The following PEBP4 variants were observed in gnomAD, a reference collection of about 807,000 sequenced individuals.
PEBP4 encodes phosphatidylethanolamine-binding protein 4.
A neutral mutation model predicts 23.9 loss-of-function variants in PEBP4; 22 were observed. The ratio of observed to expected loss-of-function variants is 0.92; its 90% CI spans 0.66 to 1.31. The LOEUF is 1.31. PEBP4 is among the 40% of genes most tolerant of loss of function. The pLI is 0.00. For missense variants in PEBP4, 324 were observed against 281.7 expected (o/e 1.15, Z -1.07); for synonymous variants, 112 against 99.3 (o/e 1.13, Z -0.76).
At chr8:22,817,767 G>T in intron 3 of PEBP4, 32 bp from the exon 4 acceptor site, 1 of 1,590,788 alleles carries the variant, frequency 6.3e-7, no homozygotes, top group Non-Finnish European at 8.6e-7. Context: ...GTAATGTAGC[G>T]TCATGGCTGA....
intron 4 of PEBP4, among the ~76,000 whole-genome samples, chr8:22,731,873 C>G (rs1480415223): frequency 6.7e-6 from 1 of 150,368 alleles, no homozygotes; most frequent in African/African-American, 2.5e-5. Context: ...GACGGGGTTT[C>G]ACCGTGTTAG....
At chr8:22,760,706 C>T (rs979964980) in intron 4 of PEBP4, among the ~76,000 whole-genome samples, 23 of 152,228 alleles carry the variant, frequency 1.5e-4, no homozygotes, top group African/African-American at 5.3e-4. Flanking sequence ...ACTTAGTAAG[C>T]GTCTTCAATA....
In PEBP4 at chr8:22,856,047, CAAAAAA is replaced by C. The variant is rs34409506; in HGVS notation, c.259-38318_259-38313del. Among the ~76,000 whole-genome samples the C allele has an allele frequency of 1.6e-3, 143 of 91,652 alleles. 2 individuals are homozygous for C. Among genetic ancestry groups the C allele is most frequent in the African/African-American group, 6.3e-3 (136 of 21,562 alleles). The allele number at this position is 91,652 out of a possible 152,430, so 60.1% of individuals were successfully genotyped here. A position where few individuals can be genotyped will look rare whatever the true frequency, so the allele number is the denominator to read the frequency against. ...CCTGGGCGAGGGTGAGACCCTGTCT[CAAAAAA>C]AAAAAAAAAAAAAAGGAAACCTAAT... is the stretch of plus-strand genomic sequence containing the variant. On this transcript the variant is annotated intron_variant, in intron 3 of 6. Coordinates refer to ENST00000256404, the MANE Select transcript of PEBP4 (RefSeq NM_144962.3).
intron 4 of PEBP4, among the ~76,000 whole-genome samples, chr8:22,761,345 C>T (rs1161331836): frequency 2.0e-5 from 3 of 151,586 alleles, no homozygotes; most frequent in African/African-American, 4.9e-5. Flanking sequence ...TTATCTTGCC[C>T]GGAAGAGGTC....
At chr8:22,755,115 C>A (rs1805350636) in intron 4 of PEBP4, among the ~76,000 whole-genome samples, 1 of 152,218 alleles carries the variant, frequency 6.6e-6, no homozygotes, top group Non-Finnish European at 1.5e-5. Context: ...CTGAGTTCAC[C>A]TGCTGCTATA....
intron 3 of PEBP4, among the ~76,000 whole-genome samples, chr8:22,855,006 A>ACG (rs764667201): frequency 0.064 from 1,167 of 18,360 alleles, 20 homozygotes; most frequent in Non-Finnish European, 0.11. Flanking sequence ...GCACGCACAC[A>ACG]CACACACACA....
chr8:22,861,740 C>G lies in PEBP4; in HGVS notation c.259-44005G>C, dbSNP rs148607476. Among the ~76,000 whole-genome samples the G allele has an allele frequency of 1.7e-3, 257 of 152,284 alleles. 1 individual carries two copies. Among genetic ancestry groups the G allele is most frequent in the African/African-American group, 5.1e-3 (210 of 41,532 alleles). ...TTTCCTTAGGTCCAAAGGATGTCAA[C>G]TTGATTAAAGAGAAATATCAAGAAC... On this transcript the variant is annotated intron_variant, in intron 3 of 6. Coordinates refer to ENST00000256404, the MANE Select transcript of PEBP4 (RefSeq NM_144962.3).
chr8:22,739,994 G>A (rs578158636), intron 4 of PEBP4, among the ~76,000 whole-genome samples: 28 of 152,150 alleles, frequency 1.8e-4, no homozygotes, highest in Non-Finnish European at 3.8e-4. Context: ...CAGATTCCTC[G>A]TTCTGTTCTC....
intron 4 of PEBP4, among the ~76,000 whole-genome samples, chr8:22,749,909 C>T (rs1241748561): frequency 1.3e-5 from 2 of 148,912 alleles, no homozygotes; most frequent in East Asian, 2.0e-4. Flanking sequence ...TAGGTTCAAG[C>T]GATTCTCCTG....
chr8:22,756,172 G>A (rs1025216804), intron 4 of PEBP4, among the ~76,000 whole-genome samples: 3 of 152,216 alleles, frequency 2.0e-5, no homozygotes, highest in Non-Finnish European at 2.9e-5. Context: ...CGAGGCTAGC[G>A]TGGGATGGTC....
chr8:22,720,937 T>C (rs1341061201), intron 6 of PEBP4, among the ~76,000 whole-genome samples: 1 of 152,202 alleles, frequency 6.6e-6, no homozygotes, highest in Non-Finnish European at 1.5e-5. Context: ...GCTGAGCGAA[T>C]GCAGAAGGCA....
intron 3 of PEBP4, among the ~76,000 whole-genome samples, chr8:22,845,284 A>G (rs1442474443): frequency 6.6e-6 from 1 of 151,916 alleles, no homozygotes; most frequent in East Asian, 1.9e-4. Flanking sequence ...CTGTAACCCC[A>G]ACACTCTGGG....
chr8:22,928,007 CAGGGCAGAGAGCAGGCTGCAA>C, upstream of PEBP4: 1 of 372,746 alleles, frequency 2.7e-6, no homozygotes, highest in South Asian at 3.0e-5. Context: ...TCCTGGCTGC[CAGGGCAGAGAGCAGGCTGCAA>C]AGTAGAAGTG....
intron 3 of PEBP4, among the ~76,000 whole-genome samples, chr8:22,838,284 T>G (rs1001051331): frequency 2.6e-5 from 4 of 152,214 alleles, no homozygotes; most frequent in Non-Finnish European, 5.9e-5. Flanking sequence ...ACACAGTAGG[T>G]GCTTAAGACA....
chr8:22,929,807 C>T (rs1259542142), upstream of PEBP4, among the ~76,000 whole-genome samples: 2 of 152,170 alleles, frequency 1.3e-5, no homozygotes, highest in Non-Finnish European at 2.9e-5. Flanking sequence ...TTCTGGGCTT[C>T]AAGGGATTCT....
intron 3 of PEBP4, among the ~76,000 whole-genome samples, chr8:22,911,667 C>G (rs571533558): frequency 6.6e-6 from 1 of 152,192 alleles, no homozygotes; most frequent in Non-Finnish European, 1.5e-5. Flanking sequence ...CCACAAAGGC[C>G]GGCAGCTATT....
At chr8:22,938,610 A>G (rs964673884) in intron 1 of PEBP4, among the ~76,000 whole-genome samples, 1 of 152,184 alleles carries the variant, frequency 6.6e-6, no homozygotes, top group African/African-American at 2.4e-5. Flanking sequence ...AGTGCCTGGG[A>G]CCAGCAGGTG....
chr8:22,734,313 C>G (rs1804805568), intron 4 of PEBP4, among the ~76,000 whole-genome samples: 1 of 152,120 alleles, frequency 6.6e-6, no homozygotes, highest in African/African-American at 2.4e-5. Flanking sequence ...CTCTTTTGCC[C>G]TAGGGTTGGG....
chr8:22,795,006 T>C (rs1014342706), intron 4 of PEBP4, among the ~76,000 whole-genome samples: 1 of 151,608 alleles, frequency 6.6e-6, no homozygotes, highest in African/African-American at 2.4e-5. Context: ...CAGTTTTTCA[T>C]GGCTTCCTTA....
Sources: gnomAD v4.1 joint callset for allele counts (sites outside exome capture counted in the v4.1 genomes callset) on GRCh38, gnomAD v4.1.1 for gene constraint, MANE v1.5 for transcripts, NCBI Gene and HGNC (gene_info 2026-07-23, HGNC 2026-07-21) for gene names.